Variants in METTL8 observed in about 807,000 individuals in gnomAD.
The protein encoded by METTL8 is methyltransferase 8, tRNA N3-cytidine, also known as tRNA N(3)-cytidine methyltransferase METTL8, mitochondrial.
A neutral mutation model predicts 48.7 loss-of-function variants in METTL8; 32 were observed. The observed-to-expected ratio is 0.66, with a 90% CI of 0.50 to 0.88. METTL8 has a LOEUF of 0.88. Among genes scored for constraint, METTL8 ranks in the 40% least tolerant of loss-of-function variants. METTL8 has a pLI of 0.00. For synonymous variants in METTL8, 136 were observed against 157.1 expected, an observed-to-expected ratio of 0.87 and a Z score of 1.01; for missense variants, 464 against 474.4, an observed-to-expected ratio of 0.98 and a Z score of 0.20.
intron 7 of METTL8, 122 bp from the exon 8 acceptor site, chr2:171,326,270 A>T (rs1425636036): frequency 2.0e-5 from 12 of 608,420 alleles, no homozygotes; most frequent in Non-Finnish European, 2.3e-5. Context: ...TCTAAACCAT[A>T]AACATAAGGG....
In METTL8 at chr2:171,398,565, G is replaced by A. The variant is rs1005433848; in HGVS notation, c.-12-6368C>T. Among the ~76,000 whole-genome samples, 12 of 152,190 alleles carry A rather than the reference G, an allele frequency of 7.9e-5. No individual in the cohort carries two copies. In the East Asian group the frequency reaches 1.2e-3, roughly 15 times the overall value. Reference sequence around the variant, plus strand: ...GAGGGGCGAGAGGAAACGGGGAGACGTAGATCAAAGGATACAAAGTTGCAG... The same window carrying A: ...GAGGGGCGAGAGGAAACGGGGAGACATAGATCAAAGGATACAAAGTTGCAG... On this transcript the variant is annotated intron_variant, in intron 1 of 9. Coordinates refer to ENST00000375258, the MANE Select transcript of METTL8 (RefSeq NM_001321154.2).
chr2:171,325,826 T>G lies in METTL8; in HGVS notation c.1033+15A>C. ...ACGATTATGACCAATTATTTCCTTT[T>G]GTAGATTAGCATACCTTTTGTAAAG... On this transcript the variant is annotated intron_variant, in intron 9 of 9. Coordinates refer to ENST00000375258, the MANE Select transcript of METTL8 (RefSeq NM_001321154.2). The G allele has an allele frequency of 1.3e-6, 2 of 1,482,024 alleles. No homozygotes were observed. Among genetic ancestry groups the G allele is most frequent in the Non-Finnish European group, 1.9e-6 (2 of 1,078,004 alleles). The allele number at this position is 1,482,024 out of a possible 1,614,324, so 91.8% of individuals were successfully genotyped here.
intron 2 of METTL8, among the ~76,000 whole-genome samples, chr2:171,383,113 T>A (rs539410185): frequency 3.3e-5 from 5 of 151,994 alleles, no homozygotes; most frequent in Non-Finnish European, 2.9e-5. Context: ...AAAACACACA[T>A]GTGTACTGAA....
chr2:171,362,367 G>A (rs1364815331), intron 2 of METTL8, among the ~76,000 whole-genome samples: 1 of 151,998 alleles, frequency 6.6e-6, no homozygotes, highest in African/African-American at 2.4e-5. Flanking sequence ...AGTCATGAAT[G>A]ATTCTAAGGT....
chr2:171,347,370 A>T (rs1343649005), intron 3 of METTL8, among the ~76,000 whole-genome samples: 1 of 152,036 alleles, frequency 6.6e-6, no homozygotes, highest in East Asian at 1.9e-4. Flanking sequence ...ATTTTCCTTT[A>T]CTGCGGTTTC....
At chr2:171,350,614 T>C (rs1379955484) in intron 3 of METTL8, among the ~76,000 whole-genome samples, 2 of 152,178 alleles carry the variant, frequency 1.3e-5, no homozygotes, top group Non-Finnish European at 1.5e-5. Flanking sequence ...CCACATCCTC[T>C]CCAGCACCTG....
At chr2:171,428,426 C>T (rs576689824) in intron 1 of METTL8, among the ~76,000 whole-genome samples, 7 of 151,674 alleles carry the variant, frequency 4.6e-5, no homozygotes, top group Non-Finnish European at 7.4e-5. Context: ...GAGGCTGAGG[C>T]GGGATGATCG....
At chr2:171,333,270 G>A (rs1389111701) in intron 5 of METTL8, among the ~76,000 whole-genome samples, 1 of 151,912 alleles carries the variant, frequency 6.6e-6, no homozygotes, top group African/African-American at 2.4e-5. Context: ...GGCTAATTTT[G>A]TATTTTTAGT....
chr2:171,413,085 C>G (rs1056894691), intron 1 of METTL8, among the ~76,000 whole-genome samples: 2 of 152,176 alleles, frequency 1.3e-5, no homozygotes, highest in Non-Finnish European at 2.9e-5. Flanking sequence ...GATACAAAAT[C>G]AAGCACGGGC....
intron 1 of METTL8, among the ~76,000 whole-genome samples, chr2:171,395,187 T>C (rs1204839772): frequency 3.9e-5 from 6 of 152,144 alleles, no homozygotes; most frequent in Non-Finnish European, 1.5e-5. Flanking sequence ...ACTCAGATAA[T>C]TGCACAACAA....
At chr2:171,355,354 C>G (rs974297627) in intron 3 of METTL8, among the ~76,000 whole-genome samples, 3 of 152,024 alleles carry the variant, frequency 2.0e-5, no homozygotes, top group Non-Finnish European at 4.4e-5. Context: ...GGGTACCTGT[C>G]CGTATGAGGT....
At chr2:171,415,254 T>C (rs1691188150) in intron 1 of METTL8, among the ~76,000 whole-genome samples, 1 of 151,980 alleles carries the variant, frequency 6.6e-6, no homozygotes, top group Non-Finnish European at 1.5e-5. Context: ...AACATGCATA[T>C]GCATAGGGAA....
At chr2:171,431,434 T>G (rs771675881) in intron 1 of METTL8, among the ~76,000 whole-genome samples, 1 of 152,152 alleles carries the variant, frequency 6.6e-6, no homozygotes, top group Non-Finnish European at 1.5e-5. Context: ...CTAAATAAAT[T>G]CTACTCCACT....
chr2:171,386,379 G>A (rs898804749), intron 2 of METTL8, among the ~76,000 whole-genome samples: 1 of 152,148 alleles, frequency 6.6e-6, no homozygotes, highest in Non-Finnish European at 1.5e-5. Flanking sequence ...GTCCAAAAAA[G>A]TATAATGTGA....
intron 1 of METTL8, among the ~76,000 whole-genome samples, chr2:171,417,599 G>A (rs1691443493): frequency 6.6e-6 from 1 of 152,174 alleles, no homozygotes; most frequent in Non-Finnish European, 1.5e-5. Flanking sequence ...TAAGCAGTGA[G>A]GCTGAGATCT....
At chr2:171,352,805 A>C (rs9966278) in intron 3 of METTL8, among the ~76,000 whole-genome samples, 2 of 152,166 alleles carry the variant, frequency 1.3e-5, no homozygotes, top group South Asian at 2.1e-4. Context: ...CTGTGGGATC[A>C]GTGGTGATAT....
chr2:171,409,878 T>G (rs1420763071), intron 1 of METTL8, among the ~76,000 whole-genome samples: 2 of 152,120 alleles, frequency 1.3e-5, no homozygotes, highest in Non-Finnish European at 1.5e-5. Flanking sequence ...CATGAGGCCC[T>G]CCAGGCAGAG....
At chr2:171,397,762 A>T (rs1365014738) in intron 1 of METTL8, among the ~76,000 whole-genome samples, 1 of 152,178 alleles carries the variant, frequency 6.6e-6, no homozygotes, top group Admixed American at 6.5e-5. Context: ...GACCTTACAG[A>T]CATTGAAAAG....
rs899273758 is a variant in METTL8 at position 171,318,129 on chromosome 2, G to A, written c.*6043C>T. On this transcript the variant is annotated 3_prime_UTR_variant, in exon 10 of 10. Transcript: ENST00000375258. The stretch of plus-strand genomic sequence containing the variant: ...ATTTTGGCATCCACTTTTCTCTGTA[G>A]CTTTGAGGCCACAATATAGATTCAT... 6.6e-6 allele frequency: 1 copy of A among 152,100 alleles called. No individual in the cohort carries two copies. Among genetic ancestry groups the A allele is most frequent in the Non-Finnish European group, 1.5e-5 (1 of 68,006 alleles). The allele number at this position is 152,100 out of a possible 1,614,324, so 9.4% of individuals were successfully genotyped here.
Sources: allele counts gnomAD v4.1 joint callset (sites outside exome capture counted in the v4.1 genomes callset), GRCh38; gene constraint gnomAD v4.1.1; transcripts MANE v1.5; gene names NCBI Gene and HGNC (gene_info 2026-07-23, HGNC 2026-07-21).